SCEL: variants seen among roughly 807,000 people sequenced by gnomAD.
SCEL encodes the protein sciellin.
A neutral mutation model predicts 117.6 loss-of-function variants in SCEL; 113 were observed. The observed-to-expected ratio is 0.96, with a 90% confidence interval of 0.83 to 1.12. The LOEUF is 1.12. Among genes scored for constraint, SCEL ranks in the 50% most tolerant of loss-of-function variants. The pLI is 0.00. For missense variants in SCEL, 785 were observed against 810.8 expected, an observed-to-expected ratio of 0.97 and a Z score of 0.39; for synonymous variants, 270 against 256.2, an observed-to-expected ratio of 1.05 and a Z score of -0.51.
At chr13:77,584,894 T>C (rs576650793) in intron 9 of SCEL, among the ~76,000 whole-genome samples, 3 of 152,356 alleles carry the variant, frequency 2.0e-5, no homozygotes, top group Admixed American at 2.0e-4. Context: ...AACAAAATAC[T>C]GTAGAATCTG....
chr13:77,630,337 T>A (rs2089967577), intron 28 of SCEL, among the ~76,000 whole-genome samples: 2 of 152,320 alleles, frequency 1.3e-5, no homozygotes, highest in South Asian at 4.1e-4. Flanking sequence ...ATTAATTTCA[T>A]AGGGCCATTT....
chr13:77,592,207 T>G (rs559690225), intron 11 of SCEL, among the ~76,000 whole-genome samples: 1 of 152,262 alleles, frequency 6.6e-6, no homozygotes, highest in East Asian at 1.9e-4. Context: ...AGAGTGCCAT[T>G]CTAAAAGACA....
intron 28 of SCEL, among the ~76,000 whole-genome samples, chr13:77,631,722 C>T (rs2090029915): frequency 6.6e-6 from 1 of 152,178 alleles, no homozygotes; most frequent in Non-Finnish European, 1.5e-5. Context: ...ACATTCCAAA[C>T]CTAGCATTTG....
chr13:77,594,353 T>C (rs2087098412), intron 12 of SCEL, among the ~76,000 whole-genome samples: 1 of 152,206 alleles, frequency 6.6e-6, no homozygotes, highest in Non-Finnish European at 1.5e-5. Flanking sequence ...CCTACGTTCA[T>C]ATCAAGGGAA....
rs1231321810 is a variant in SCEL at position 77,617,608 on chromosome 13, T to A, written c.1461T>A (p.Asp487Glu). 1.9e-6 allele frequency: 3 copies of A among 1,588,156 alleles called. No individual in the cohort carries two copies. Among genetic ancestry groups the A allele is most frequent in the African/African-American group, 2.7e-5 (2 of 73,748 alleles). Residue 487 changes from aspartate (D) to glutamate (E), a missense_variant, in exon 25 of 33, where the codon GAT (aspartate) becomes GAA (glutamate). Transcript: ENST00000349847. ...TTTTTTCCACTTAAAGAAAACAAGA[T>A]CTTGATAAACTCATCAAGGTGAATC... Reference protein sequence around the residue: ...KAVKNTDGKQDLDKLIKVNPE... With the variant: ...KAVKNTDGKQELDKLIKVNPE...
chr13:77,606,406 G>C (rs1485484219), intron 19 of SCEL: 1 of 152,188 alleles, frequency 6.6e-6, no homozygotes. Context: ...AAAATTTAAA[G>C]AGATCAAGTC....
chr13:77,635,024 A>C (rs1939656706), intron 29 of SCEL, among the ~76,000 whole-genome samples: 1 of 152,184 alleles, frequency 6.6e-6, no homozygotes, highest in African/African-American at 2.4e-5. Flanking sequence ...GAAGTACAAT[A>C]ATGGTGGGGC....
intron 1 of SCEL, among the ~76,000 whole-genome samples, chr13:77,553,168 C>A (rs1305106182): frequency 6.6e-6 from 1 of 152,168 alleles, no homozygotes; most frequent in Non-Finnish European, 1.5e-5. Context: ...TGGCCAATAA[C>A]AAGCACCCAG....
chr13:77,643,274 C>G (rs1425822058), intron 32 of SCEL, among the ~76,000 whole-genome samples: 2 of 152,044 alleles, frequency 1.3e-5, no homozygotes, highest in African/African-American at 2.4e-5. Flanking sequence ...TTTAAGTTTT[C>G]TATCCATCTA....
At chr13:77,591,758 A>T (rs186199222) in intron 11 of SCEL, among the ~76,000 whole-genome samples, 2 of 152,338 alleles carry the variant, frequency 1.3e-5, no homozygotes, top group Non-Finnish European at 2.9e-5. Context: ...ACCTGCTCTG[A>T]GGTCTATGAT....
At chr13:77,543,215 C>CT (rs1486718878) in intron 1 of SCEL, among the ~76,000 whole-genome samples, 5 of 150,726 alleles carry the variant, frequency 3.3e-5, no homozygotes, top group African/African-American at 1.2e-4. Flanking sequence ...TCCCAAGTAG[C>CT]TGGGACTACA....
chr13:77,565,622 T>C (rs1027161140), intron 5 of SCEL, among the ~76,000 whole-genome samples: 6 of 152,324 alleles, frequency 3.9e-5, no homozygotes, highest in Non-Finnish European at 7.3e-5. Flanking sequence ...AGACATGAAA[T>C]AATTTTAGGA....
At chr13:77,605,251 C>T (rs2088062805) in intron 19 of SCEL, among the ~76,000 whole-genome samples, 2 of 152,150 alleles carry the variant, frequency 1.3e-5, no homozygotes, top group African/African-American at 4.8e-5. Context: ...TGCCTGCAGG[C>T]CCAGTTGGGA....
At chr13:77,559,707 C>T in intron 3 of SCEL, 97 bp from the exon 4 acceptor site, 2 of 1,019,278 alleles carry the variant, frequency 2.0e-6, no homozygotes, top group South Asian at 1.5e-5. Flanking sequence ...TTAACCTTGC[C>T]AAAAATTGGG....
intron 29 of SCEL, among the ~76,000 whole-genome samples, chr13:77,636,201 C>T (rs74095828): frequency 0.04 from 6,145 of 152,192 alleles, 404 homozygotes; most frequent in African/African-American, 0.14. Context: ...CCTTCTTTGT[C>T]GTTTCCTAAC....
At chr13:77,607,217 T>TA (rs535875867) in intron 19 of SCEL, among the ~76,000 whole-genome samples, 48 of 147,670 alleles carry the variant, frequency 3.3e-4, no homozygotes, top group African/African-American at 1.0e-3. Flanking sequence ...CCAGGCTAAT[T>TA]AAAAAAAAAA....
intron 3 of SCEL, among the ~76,000 whole-genome samples, 175 bp from the exon 4 acceptor site, chr13:77,559,629 C>T (rs2084860540): frequency 6.6e-6 from 1 of 152,194 alleles, no homozygotes; most frequent in African/African-American, 2.4e-5. Flanking sequence ...TTTTCTCATG[C>T]TCTTTCAAGT....
intron 13 of SCEL, 131 bp downstream of exon 13, chr13:77,597,720 C>T: frequency 4.1e-6 from 2 of 487,764 alleles, no homozygotes; most frequent in Non-Finnish European, 3.7e-6. Context: ...TGAATAAAAG[C>T]TTGCAGCAAT....
intron 12 of SCEL, among the ~76,000 whole-genome samples, chr13:77,594,719 G>GT (rs1172550727): frequency 2.0e-5 from 3 of 152,188 alleles, no homozygotes; most frequent in Non-Finnish European, 4.4e-5. Context: ...TGTACACAGT[G>GT]TTTAATAGAT....
Sources: gnomAD v4.1 joint callset for allele counts (sites outside exome capture counted in the v4.1 genomes callset) on GRCh38, gnomAD v4.1.1 for gene constraint, MANE v1.5 for transcripts, NCBI Gene and HGNC (gene_info 2026-07-23, HGNC 2026-07-21) for gene names.